Variants in PKP4 observed in about 807,000 individuals in gnomAD.
The protein encoded by PKP4 is plakophilin-4.
Under a neutral mutation model 145.1 loss-of-function variants are expected in PKP4, and 90 were observed. The ratio of observed to expected loss-of-function variants is 0.62; its 90% CI spans 0.52 to 0.74. The LOEUF is 0.74. Ranked by LOEUF, PKP4 falls within the 30% of genes least tolerant of loss-of-function variation. PKP4 has a pLI of 0.00. For missense variants in PKP4, 1,340 were observed against 1,482.7 expected (o/e 0.90, Z 1.58); for synonymous variants, 563 against 577.2 (o/e 0.98, Z 0.35).
chr2:158,521,733 T>G (rs1327080397), intron 1 of PKP4, among the ~76,000 whole-genome samples: 1 of 152,188 alleles, frequency 6.6e-6, no homozygotes, highest in Non-Finnish European at 1.5e-5. Context: ...TTCAGGCAAA[T>G]TCTTAATTTC....
intron 4 of PKP4, among the ~76,000 whole-genome samples, chr2:158,603,407 G>A (rs977435589): frequency 1.1e-4 from 17 of 152,154 alleles, no homozygotes; most frequent in Middle Eastern, 3.4e-3. Flanking sequence ...AAGTTATTAC[G>A]TAATCAAGAA....
At chr2:158,607,879 C>T (rs900604769) in intron 4 of PKP4, among the ~76,000 whole-genome samples, 4 of 152,166 alleles carry the variant, frequency 2.6e-5, no homozygotes, top group Non-Finnish European at 4.4e-5. Context: ...ATCCTTTCTA[C>T]CCCTTCCCCG....
chr2:158,478,381 T>G (rs1016762580), intron 1 of PKP4, among the ~76,000 whole-genome samples: 15 of 152,034 alleles, frequency 9.9e-5, no homozygotes, highest in African/African-American at 3.6e-4. Context: ...AGTAAATCCT[T>G]TAGACTATGC....
intron 6 of PKP4, among the ~76,000 whole-genome samples, chr2:158,623,222 A>T (rs1278155899): frequency 6.6e-6 from 1 of 152,128 alleles, no homozygotes; most frequent in Non-Finnish European, 1.5e-5. Flanking sequence ...CCCAGGCTGG[A>T]GTACAATATG....
At chr2:158,516,983 A>T (rs926471948) in intron 1 of PKP4, among the ~76,000 whole-genome samples, 1 of 152,112 alleles carries the variant, frequency 6.6e-6, no homozygotes, top group African/African-American at 2.4e-5. Flanking sequence ...TTTTTAATAG[A>T]CCTTATAAAT....
intron 2 of PKP4, among the ~76,000 whole-genome samples, chr2:158,541,594 ATATAAT>A (rs3836163): frequency 0.4 from 60,516 of 151,432 alleles, 12,737 homozygotes; most frequent in East Asian, 0.67. Context: ...ATTATATTCT[ATATAAT>A]TATATTTCAA....
At chr2:158,561,685 G>A (rs1322155246) in intron 2 of PKP4, among the ~76,000 whole-genome samples, 2 of 152,150 alleles carry the variant, frequency 1.3e-5, no homozygotes, top group East Asian at 3.9e-4. Context: ...AGTGCTCGTC[G>A]CACTTTGTTA....
intron 9 of PKP4, among the ~76,000 whole-genome samples, chr2:158,640,181 C>T (rs2054152004): frequency 6.6e-6 from 1 of 152,224 alleles, no homozygotes; most frequent in Non-Finnish European, 1.5e-5. Flanking sequence ...CTCAGGCCCA[C>T]AATGTTTGTG....
chr2:158,656,432 AAAG>A (rs1466943151), intron 11 of PKP4, among the ~76,000 whole-genome samples: 1 of 152,216 alleles, frequency 6.6e-6, no homozygotes, highest in African/African-American at 2.4e-5. Flanking sequence ...GAACAGAAGA[AAAG>A]AAGAACAGAG....
At chr2:158,595,929 T>C (rs577615809) in intron 3 of PKP4, among the ~76,000 whole-genome samples, 19 of 152,286 alleles carry the variant, frequency 1.2e-4, no homozygotes, top group African/African-American at 4.6e-4. Flanking sequence ...GGAATAATTC[T>C]TTAAAAAGCA....
intron 17 of PKP4, among the ~76,000 whole-genome samples, chr2:158,673,357 A>G (rs1481583034): frequency 6.6e-6 from 1 of 152,230 alleles, no homozygotes; most frequent in Non-Finnish European, 1.5e-5. Flanking sequence ...CAGTGAGATC[A>G]GTGGCCCTCA....
At position 158,519,654 on chromosome 2, in the gene PKP4, A is replaced by G. The variant is rs77595058; in HGVS notation, c.-5-13526A>G. Among the ~76,000 whole-genome samples the G allele has an allele frequency of 8.7e-3, 1,332 of 152,328 alleles. 15 individuals carry two copies. The highest frequency in any genetic ancestry group is 0.03 in the African/African-American group (1,267 of 41,572). Reference sequence around the variant, plus strand: ...CCTCTGGTTGCCTTACCAAAGGTCTATAGCAGTTATCTTTCTGACATTTTG... The same window carrying G: ...CCTCTGGTTGCCTTACCAAAGGTCTGTAGCAGTTATCTTTCTGACATTTTG... On this transcript the variant is annotated intron_variant, in intron 1 of 21. Coordinates refer to ENST00000389759, the MANE Select transcript of PKP4 (RefSeq NM_003628.6).
At chr2:158,645,344 G>T (rs2054723053) in intron 11 of PKP4, among the ~76,000 whole-genome samples, 1 of 152,182 alleles carries the variant, frequency 6.6e-6, no homozygotes, top group Admixed American at 6.5e-5. Flanking sequence ...AAATAAAAAT[G>T]TAGCTATGTT....
intron 4 of PKP4, among the ~76,000 whole-genome samples, chr2:158,613,226 A>G (rs1465412506): frequency 6.6e-6 from 1 of 152,202 alleles, no homozygotes; most frequent in Non-Finnish European, 1.5e-5. Context: ...ACAGTTTGAG[A>G]ACCACTGCTT....
intron 2 of PKP4, among the ~76,000 whole-genome samples, chr2:158,542,855 AAATTGT>A (rs1221955526): frequency 6.6e-6 from 1 of 152,182 alleles, no homozygotes; most frequent in Non-Finnish European, 1.5e-5. Flanking sequence ...AAATCTAGAA[AAATTGT>A]AATTGTGAGT....
At chr2:158,624,711 G>A (rs953840071) in intron 6 of PKP4, among the ~76,000 whole-genome samples, 167 bp from the exon 7 acceptor site, 12 of 150,434 alleles carry the variant, frequency 8.0e-5, no homozygotes, top group African/African-American at 1.5e-4. Context: ...CTAAAGCACC[G>A]TGAGGAAAAA....
chr2:158,670,276 AC>A (rs756768274), intron 17 of PKP4, among the ~76,000 whole-genome samples: 16 of 152,194 alleles, frequency 1.1e-4, no homozygotes, highest in Non-Finnish European at 1.9e-4. Flanking sequence ...CAGGGCACCA[AC>A]AGATTTGGTG....
intron 2 of PKP4, among the ~76,000 whole-genome samples, chr2:158,540,463 G>A (rs945866268): frequency 6.6e-6 from 1 of 152,142 alleles, no homozygotes; most frequent in African/African-American, 2.4e-5. Flanking sequence ...ACTACTCTGA[G>A]CAAAGCACTT....
intron 3 of PKP4, among the ~76,000 whole-genome samples, chr2:158,593,374 A>G (rs1035139478): frequency 1.3e-5 from 2 of 152,170 alleles, no homozygotes; most frequent in Non-Finnish European, 2.9e-5. Context: ...TCTGATTTCT[A>G]CTTTGACTAG....
Sources: allele counts gnomAD v4.1 joint callset (sites outside exome capture counted in the v4.1 genomes callset), GRCh38; gene constraint gnomAD v4.1.1; transcripts MANE v1.5; gene names NCBI Gene and HGNC (gene_info 2026-07-23, HGNC 2026-07-21).